KCNIP1: variants seen among roughly 807,000 people sequenced by gnomAD.
KCNIP1 encodes potassium voltage-gated channel interacting protein 1, also known as A-type potassium channel modulatory protein KCNIP1.
A neutral mutation model predicts 33.0 loss-of-function variants in KCNIP1; 18 were observed. The ratio of observed to expected loss-of-function variants is 0.55; its 90% CI spans 0.38 to 0.81. The LOEUF (loss-of-function observed/expected upper bound fraction) is 0.81. KCNIP1 is among the 30% of genes least tolerant of loss of function. The pLI is 0.00. For synonymous variants in KCNIP1, 93 were observed against 98.3 expected (o/e 0.95, Z 0.32); for missense variants, 238 against 271.6 (o/e 0.88, Z 0.87).
At chr5:170,725,102 C>T (rs995964495) in intron 5 of KCNIP1, among the ~76,000 whole-genome samples, 1 of 152,108 alleles carries the variant, frequency 6.6e-6, no homozygotes, top group East Asian at 1.9e-4. Flanking sequence ...ACATATAGAT[C>T]AATGGATCAA....
At chr5:170,576,434 G>A (rs1349984984) in intron 1 of KCNIP1, among the ~76,000 whole-genome samples, 1 of 152,192 alleles carries the variant, frequency 6.6e-6, no homozygotes, top group Non-Finnish European at 1.5e-5. Context: ...AGCCCACCCA[G>A]TTTCACAGAT....
At chr5:170,668,577 A>T (rs943483171) in intron 1 of KCNIP1, among the ~76,000 whole-genome samples, 2 of 152,266 alleles carry the variant, frequency 1.3e-5, no homozygotes, top group African/African-American at 4.8e-5. Context: ...AGAGATTGGC[A>T]TACAGGGGAG....
At chr5:170,562,761 A>G (rs1433241189) in intron 1 of KCNIP1, among the ~76,000 whole-genome samples, 7 of 152,212 alleles carry the variant, frequency 4.6e-5, no homozygotes, top group African/African-American at 1.2e-4. Flanking sequence ...AGTACAGAGA[A>G]ATCTGACTTC....
chr5:170,457,075 A>G (rs1274202966), intron 1 of KCNIP1, among the ~76,000 whole-genome samples: 1 of 152,174 alleles, frequency 6.6e-6, no homozygotes, highest in Admixed American at 6.5e-5. Flanking sequence ...AGAATACTTA[A>G]ATTACCATAA....
intron 1 of KCNIP1, among the ~76,000 whole-genome samples, chr5:170,550,056 A>G (rs889298388): frequency 1.6e-4 from 25 of 152,230 alleles, no homozygotes; most frequent in African/African-American, 6.0e-4. Flanking sequence ...TCGTGGAGGC[A>G]TTAAGAAAGA....
intron 1 of KCNIP1, among the ~76,000 whole-genome samples, chr5:170,686,385 G>A (rs1413352013): frequency 6.6e-6 from 1 of 152,116 alleles, no homozygotes; most frequent in Non-Finnish European, 1.5e-5. Context: ...AGGAAGATGC[G>A]AACAAGGAGA....
chr5:170,474,664 G>A (rs1388213012), intron 1 of KCNIP1, among the ~76,000 whole-genome samples: 1 of 152,168 alleles, frequency 6.6e-6, no homozygotes. Flanking sequence ...ATGAATAAAC[G>A]GAGGTTCAGA....
intron 1 of KCNIP1, among the ~76,000 whole-genome samples, chr5:170,652,953 C>T (rs1761109535): frequency 6.6e-6 from 1 of 152,236 alleles, no homozygotes; most frequent in Admixed American, 6.5e-5. Flanking sequence ...CCCTGCCTTC[C>T]TGGAGCTGAC....
chr5:170,634,773 C>T lies in KCNIP1; in HGVS notation c.62-83985C>T, dbSNP rs185009846. ...TCCTGAAAGCCAAAAAGAGAAAGGTCATCATTAATATGATACATTTTGCAA... is the reference window on the plus strand; with the variant it reads ...TCCTGAAAGCCAAAAAGAGAAAGGTTATCATTAATATGATACATTTTGCAA... On this transcript the variant is annotated intron_variant, in intron 1 of 7. Transcript: ENST00000328939. Among the ~76,000 whole-genome samples the T allele has an allele frequency of 3.0e-3, 456 of 152,314 alleles. No individual in the cohort carries two copies. In the Middle Eastern group the frequency reaches 0.034, roughly 11 times the overall value.
chr5:170,722,825 G>A lies in KCNIP1; in HGVS notation c.435+5G>A. 6.3e-7 allele frequency: 1 copy of A among 1,587,254 alleles called. No individual in the cohort carries two copies. Among genetic ancestry groups the A allele is most frequent in the South Asian group, 1.1e-5 (1 of 90,428 alleles). On this transcript the variant is annotated splice_donor_5th_base_variant and intron_variant, in intron 5 of 7. Coordinates refer to ENST00000328939, the MANE Select transcript of KCNIP1 (RefSeq NM_014592.4). ...GACGGATACATAAACAAAGAGGTAA[G>A]TGAGCTGGGGCCAGGGGTGTGAGAG... is the stretch of plus-strand genomic sequence containing the variant.
At position 170,504,659 on chromosome 5, in the gene KCNIP1, C is replaced by A. The variant is rs1304185933; in HGVS notation, c.61+26C>A. ...GTAAGCCACCTTCTTCCTTTTGTTC[C>A]CCTGTCTGGGCTTGGGGGTGCTAGG... On this transcript the variant is annotated intron_variant, in intron 1 of 7. Coordinates refer to ENST00000328939, the MANE Select transcript of KCNIP1 (RefSeq NM_014592.4). The surrounding 1 kb of genome is among the most constrained non-coding windows in gnomAD (Gnocchi z 6.0). 2 of 1,600,944 alleles carry A rather than the reference C, an allele frequency of 1.2e-6. No individual in the cohort carries two copies. Among genetic ancestry groups the A allele is most frequent in the Admixed American group, 3.3e-5 (2 of 59,964 alleles).
intron 1 of KCNIP1, among the ~76,000 whole-genome samples, chr5:170,714,473 T>C: frequency 6.6e-6 from 1 of 152,200 alleles, no homozygotes; most frequent in Non-Finnish European, 1.5e-5. Flanking sequence ...TGGCTGGATG[T>C]GTTTAACAGA....
chr5:170,566,726 AT>A (rs1757218643), intron 1 of KCNIP1, among the ~76,000 whole-genome samples: 1 of 152,212 alleles, frequency 6.6e-6, no homozygotes, highest in Non-Finnish European at 1.5e-5. Context: ...GAGGATGGAG[AT>A]TAAACAGGTC....
intron 1 of KCNIP1, among the ~76,000 whole-genome samples, chr5:170,403,864 G>A (rs1434184744): frequency 6.6e-6 from 1 of 152,216 alleles, no homozygotes; most frequent in Non-Finnish European, 1.5e-5. Context: ...CAATTAAAGA[G>A]TGACTCCTGG....
intron 1 of KCNIP1, among the ~76,000 whole-genome samples, chr5:170,517,486 A>G (rs187543093): frequency 2.6e-5 from 4 of 151,706 alleles, no homozygotes; most frequent in African/African-American, 9.7e-5. Context: ...TCATGGCAAT[A>G]ATGATGATGA....
chr5:170,694,922 A>C (rs1269465187), intron 1 of KCNIP1, among the ~76,000 whole-genome samples: 2 of 152,254 alleles, frequency 1.3e-5, no homozygotes, highest in African/African-American at 4.8e-5. Context: ...ACTCAAGGGC[A>C]GTAAACTAGC....
intron 1 of KCNIP1, among the ~76,000 whole-genome samples, chr5:170,526,146 G>T (rs1280771829): frequency 6.6e-6 from 1 of 152,176 alleles, no homozygotes; most frequent in Non-Finnish European, 1.5e-5. Flanking sequence ...CCTTGCACTT[G>T]TGTGACCTGG....
chr5:170,641,146 T>G (rs2113697767), intron 1 of KCNIP1, among the ~76,000 whole-genome samples: 1 of 152,306 alleles, frequency 6.6e-6, no homozygotes, highest in East Asian at 1.9e-4. Flanking sequence ...CACACCTTCA[T>G]GCTCGTGGCA....
intron 1 of KCNIP1, chr5:170,389,590 G>A (rs888041973): frequency 2.0e-5 from 3 of 152,142 alleles, no homozygotes; most frequent in African/African-American, 4.8e-5. Context: ...GAGAAACTAC[G>A]AAAGATCAGC....
Sources: allele counts gnomAD v4.1 joint callset (sites outside exome capture counted in the v4.1 genomes callset), GRCh38; gene constraint gnomAD v4.1.1; non-coding constraint Gnocchi (gnomAD v3.1); transcripts MANE v1.5; gene names NCBI Gene and HGNC (gene_info 2026-07-23, HGNC 2026-07-21).